CCDC85C: variants seen among roughly 807,000 people sequenced by gnomAD.
CCDC85C encodes the protein coiled-coil domain containing 85C.
Under a neutral mutation model 38.3 loss-of-function variants are expected in CCDC85C, and 18 were observed. The ratio of observed to expected loss-of-function variants is 0.47; its 90% CI spans 0.33 to 0.70. The LOEUF (loss-of-function observed/expected upper bound fraction) is 0.70, where lower values mean the gene tolerates loss of function less well. CCDC85C is among the 30% of genes least tolerant of loss of function. CCDC85C has a pLI of 0.03. For missense variants in CCDC85C, 566 were observed against 621.2 expected, an observed-to-expected ratio of 0.91 and a Z score of 0.94; for synonymous variants, 264 against 293.8, an observed-to-expected ratio of 0.90 and a Z score of 1.04.
intron 1 of CCDC85C, among the ~76,000 whole-genome samples, chr14:99,598,322 C>T (rs886557479): frequency 3.9e-5 from 6 of 152,248 alleles, no homozygotes; most frequent in African/African-American, 1.4e-4. Context: ...TGGAAAATCC[C>T]CACCGGCGGA....
rs1052962470 is a variant in CCDC85C, at chr14:99,572,470, G to C, written c.793+30697C>G. Among the ~76,000 whole-genome samples, 1 of 148,016 alleles carries C rather than the reference G, an allele frequency of 6.8e-6. No individual in the cohort carries two copies. Among genetic ancestry groups the C allele is most frequent in the East Asian group, 2.1e-4 (1 of 4,858 alleles). On this transcript the variant is annotated intron_variant, in intron 1 of 5. Coordinates refer to ENST00000380243, the MANE Select transcript of CCDC85C (RefSeq NM_001144995.2). The surrounding 1 kb of genome is among the most constrained non-coding windows in gnomAD (Gnocchi z 4.4). ...GCCAGAGGGCCTCACAAGTATAAATGATCAGGTATCACACCTCCGCCAGGC... is the reference window on the plus strand; with the variant it reads ...GCCAGAGGGCCTCACAAGTATAAATCATCAGGTATCACACCTCCGCCAGGC...
chr14:99,548,967 G>A lies in CCDC85C; in HGVS notation c.794-12879C>T, dbSNP rs932618315. On this transcript the variant is annotated intron_variant, in intron 1 of 5. Coordinates refer to ENST00000380243, the MANE Select transcript of CCDC85C (RefSeq NM_001144995.2). This position sits in a 1 kb window ranked among gnomAD's most constrained non-coding sequence, Gnocchi z 4.9. ...CACATTGTTAGAGGCTTGCCAGGCA[G>A]GAGAAATTTTTAAAAACTGCACGAG... Among the ~76,000 whole-genome samples the A allele has an allele frequency of 1.3e-5, 2 of 152,284 alleles. No individual in the cohort carries two copies. The highest frequency in any genetic ancestry group is 1.9e-4 in the East Asian group (1 of 5,174).
chr14:99,547,530 T>C lies in CCDC85C; in HGVS notation c.794-11442A>G, dbSNP rs111943987. On this transcript the variant is annotated intron_variant, in intron 1 of 5. Coordinates refer to ENST00000380243, the MANE Select transcript of CCDC85C (RefSeq NM_001144995.2). ...GGCTCATGCCTGTAATCCCAGCACT[T>C]TGAGAGGCTGAGGCGGGCAGATCAC... is the stretch of plus-strand genomic sequence containing the variant. 2.6e-5 allele frequency among the ~76,000 whole-genome samples: 4 copies of C among 152,230 alleles called. No individual in the cohort carries two copies. In the South Asian group the frequency reaches 8.3e-4, roughly 32 times the overall value.
Position 99,548,095 on chromosome 14 carries a change from G to T in CCDC85C, c.794-12007C>A, listed in dbSNP as rs1897840214. Among the ~76,000 whole-genome samples, 2 of 152,130 alleles carry T rather than the reference G, an allele frequency of 1.3e-5. No individual in the cohort carries two copies. ...CGACCGTGAAACCCGACTATATGAGGATTACGAACGCTGCCAGAGAGTGGC... is the reference window on the plus strand; with the variant it reads ...CGACCGTGAAACCCGACTATATGAGTATTACGAACGCTGCCAGAGAGTGGC... On this transcript the variant is annotated intron_variant, in intron 1 of 5. Transcript: ENST00000380243. This position sits in a 1 kb window ranked among gnomAD's most constrained non-coding sequence, Gnocchi z 4.9.
Position 99,572,839 on chromosome 14 carries a change from T to C in CCDC85C, c.793+30328A>G. The stretch of plus-strand genomic sequence containing the variant: ...AGGAGCATGGAAACGGGGCCTGGTG[T>C]GCAACAGGTGCTCAGTAAACGGCTA... On this transcript the variant is annotated intron_variant, in intron 1 of 5. Coordinates refer to ENST00000380243, the MANE Select transcript of CCDC85C (RefSeq NM_001144995.2). This position sits in a 1 kb window ranked among gnomAD's most constrained non-coding sequence, Gnocchi z 4.4. 2.2e-6 allele frequency: 1 copy of C among 456,084 alleles called. No individual in the cohort carries two copies. The highest frequency in any genetic ancestry group is 4.4e-6 in the Non-Finnish European group (1 of 226,796). 28.3% of individuals were successfully genotyped at this position (456,084 alleles called of 1,614,324 possible). A position where few individuals can be genotyped will look rare whatever the true frequency, so the allele number is the denominator to read the frequency against.
In CCDC85C at chr14:99,558,765, G is replaced by A. The variant is rs1382550542; in HGVS notation, c.794-22677C>T. Among the ~76,000 whole-genome samples the A allele has an allele frequency of 2.0e-5, 3 of 152,230 alleles. No homozygotes were observed. The highest frequency in any genetic ancestry group is 7.2e-5 in the African/African-American group (3 of 41,460). On this transcript the variant is annotated intron_variant, in intron 1 of 5. Transcript: ENST00000380243. This position sits in a 1 kb window ranked among gnomAD's most constrained non-coding sequence, Gnocchi z 4.2. ...GAGGCCACAAGCCAAGGAACACCAG[G>A]AGTCATCAGAAGCAGGAAGAGGCAA...
intron 1 of CCDC85C, among the ~76,000 whole-genome samples, chr14:99,591,036 C>T (rs1206596500): frequency 1.3e-5 from 2 of 152,216 alleles, no homozygotes; most frequent in Admixed American, 1.3e-4. Context: ...CAAGGGAAGA[C>T]GGCAGCACAG....
At position 99,502,694 on chromosome 14, in the gene CCDC85C, A is replaced by C. The variant is rs1896864824; in HGVS notation, c.*12552T>G. On this transcript the variant is annotated 3_prime_UTR_variant, in exon 6 of 6. Coordinates refer to ENST00000380243, the MANE Select transcript of CCDC85C (RefSeq NM_001144995.2). The stretch of plus-strand genomic sequence containing the variant: ...TTATTTAAAATACCAATTTGTGTAA[A>C]ATGTAATTGTTGGCTATCATTTAGA... The C allele has an allele frequency of 1.2e-6, 2 of 1,604,596 alleles. No homozygotes were observed. The highest frequency in any genetic ancestry group is 2.7e-5 in the African/African-American group (2 of 74,668).
intron 1 of CCDC85C, among the ~76,000 whole-genome samples, chr14:99,540,708 C>T (rs978802227): frequency 5.1e-4 from 77 of 152,200 alleles, no homozygotes; most frequent in African/African-American, 1.6e-3. Context: ...AGCTGCCAAC[C>T]GGGGAGGAGG....
intron 2 of CCDC85C, among the ~76,000 whole-genome samples, chr14:99,529,254 C>T (rs561399843): frequency 2.6e-4 from 40 of 152,286 alleles, no homozygotes; most frequent in African/African-American, 5.5e-4. Context: ...CAGTCTTGTC[C>T]ACCACGCAGA....
In CCDC85C at chr14:99,501,582, G is replaced by A. The variant is rs1595315490; in HGVS notation, c.*13664C>T. Reference sequence around the variant, plus strand: ...CTGACGTCCAGGTCATCTGCTTCCCGGCAGAGGGTTTCCTTCTGCCCTGCC... The same window carrying A: ...CTGACGTCCAGGTCATCTGCTTCCCAGCAGAGGGTTTCCTTCTGCCCTGCC... On this transcript the variant is annotated 3_prime_UTR_variant, in exon 6 of 6. Coordinates refer to ENST00000380243, the MANE Select transcript of CCDC85C (RefSeq NM_001144995.2). 1.7e-5 allele frequency: 10 copies of A among 586,202 alleles called. No homozygotes were observed. The highest frequency in any genetic ancestry group is 2.9e-5 in the East Asian group (1 of 35,002). The allele number at this position is 586,202 out of a possible 1,614,324, so 36.3% of individuals were successfully genotyped here.
chr14:99,579,294 C>T (rs956546576), intron 1 of CCDC85C, among the ~76,000 whole-genome samples: 1 of 152,260 alleles, frequency 6.6e-6, no homozygotes, highest in Admixed American at 6.5e-5. Context: ...CAACAGGCAC[C>T]GTCCTGGACG....
intron 1 of CCDC85C, among the ~76,000 whole-genome samples, chr14:99,597,957 A>G (rs1318634738): frequency 2.0e-5 from 3 of 152,236 alleles, no homozygotes; most frequent in African/African-American, 4.8e-5. Context: ...CAGGATATAG[A>G]TGAAGAAACT....
intron 1 of CCDC85C, among the ~76,000 whole-genome samples, chr14:99,590,174 G>A (rs547821284): frequency 1.3e-5 from 2 of 152,150 alleles, no homozygotes; most frequent in African/African-American, 4.8e-5. Flanking sequence ...CAGCAAAAGG[G>A]TGGGGAGCAT....
At chr14:99,583,502 CAAAAAA>C (rs35333670) in intron 1 of CCDC85C, among the ~76,000 whole-genome samples, 2 of 85,408 alleles carry the variant, frequency 2.3e-5, no homozygotes, top group South Asian at 4.1e-4. Flanking sequence ...AACTCCTTCT[CAAAAAA>C]AAAAAAAAAA....
chr14:99,563,208 GGGACTGGGT>G (rs1161558221), intron 1 of CCDC85C, among the ~76,000 whole-genome samples: 1 of 152,264 alleles, frequency 6.6e-6, no homozygotes, highest in Non-Finnish European at 1.5e-5. Flanking sequence ...AGCCATGGCA[GGGACTGGGT>G]GCACTGGGAG....
At chr14:99,595,688 C>G (rs1031143380) in intron 1 of CCDC85C, among the ~76,000 whole-genome samples, 5 of 152,230 alleles carry the variant, frequency 3.3e-5, no homozygotes, top group Admixed American at 6.5e-5. Context: ...AATAATCACA[C>G]CCACAGGGCA....
At position 99,527,543 on chromosome 14, in the gene CCDC85C, C is replaced by G. The variant is rs1024395550; in HGVS notation, c.868-5303G>C. On this transcript the variant is annotated intron_variant, in intron 2 of 5. Coordinates refer to ENST00000380243, the MANE Select transcript of CCDC85C (RefSeq NM_001144995.2). ...GGGCCTGGCTCCACGGGTCTCGAGG[C>G]TGGGCACAGGTGGGAGCTGAGTTCA... 5.9e-5 allele frequency among the ~76,000 whole-genome samples: 9 copies of G among 152,174 alleles called. No individual in the cohort carries two copies. The South Asian group carries it at 8.3e-4, about 14-fold the overall frequency.
chr14:99,561,861 G>C (rs1427190214), intron 1 of CCDC85C, among the ~76,000 whole-genome samples: 1 of 152,204 alleles, frequency 6.6e-6, no homozygotes, highest in Non-Finnish European at 1.5e-5. Flanking sequence ...CTGCGCTACG[G>C]CGTTGGTGAG....
Sources: gnomAD v4.1 joint callset for allele counts (sites outside exome capture counted in the v4.1 genomes callset) on GRCh38, gnomAD v4.1.1 for gene constraint, Gnocchi (gnomAD v3.1) non-coding constraint, MANE v1.5 for transcripts, NCBI Gene and HGNC (gene_info 2026-07-23, HGNC 2026-07-21) for gene names.